Variants in ALYREF observed in about 807,000 individuals in gnomAD.
ALYREF encodes the protein Aly/REF export factor, also known as THO complex subunit 4.
ALYREF carries 1 observed loss-of-function variant against 25.2 expected under a neutral mutation model. That is an observed-to-expected ratio of 0.04 (90% CI 0.01 to 0.19). The LOEUF is 0.19. ALYREF is among the 10% of genes least tolerant of loss of function. The pLI, the probability that ALYREF is intolerant of heterozygous loss-of-function variation, is 1.00. For synonymous variants in ALYREF, 193 were observed against 153.5 expected, an observed-to-expected ratio of 1.26 and a Z score of -1.90; for missense variants, 328 against 375.6, an observed-to-expected ratio of 0.87 and a Z score of 1.05.
At chr17:81,890,328 C>T (rs1389238552) in intron 2 of ALYREF, among the ~76,000 whole-genome samples, 1 of 152,148 alleles carries the variant, frequency 6.6e-6, no homozygotes, top group African/African-American at 2.4e-5. Context: ...GATTCTTTTT[C>T]TCACATTAAC....
At position 81,890,749 on chromosome 17, in the gene ALYREF, C is replaced by T; in HGVS notation, c.330G>A (p.Glu110=). The T allele has an allele frequency of 1.2e-6, 2 of 1,614,084 alleles. No homozygotes were observed. The highest frequency in any genetic ancestry group is 1.1e-5 in the South Asian group (1 of 91,070). Residue 110 remains glutamate, a synonymous_variant, in exon 2 of 6, where the codon GAG becomes GAA. Coordinates refer to ENST00000505490, the MANE Select transcript of ALYREF (RefSeq NM_005782.4). ...DSGFGGGAGV[E]TGGKLLVSNL... is the part of the protein sequence containing the mutation. The stretch of plus-strand genomic sequence containing the variant: ...TGGACACCAGCAGTTTCCCACCTGT[C>T]TCCACGCCGGCACCACCGCCGAAGC...
chr17:81,891,551 G>A lies in ALYREF; in HGVS notation c.30C>T (p.Asp10=). MPDSAPAMA[D]KMDMSLDDII... is the part of the protein sequence containing the mutation. The stretch of plus-strand genomic sequence containing the variant: ...TGTCGTCCAGAGACATGTCCATTTT[G>A]TCGGCCATGGCGGGCGCGGAATCGG... The change falls in exon 1 of 6, where the codon GAC becomes GAT. Residue 10 remains aspartate, a synonymous_variant. Coordinates refer to ENST00000505490, the MANE Select transcript of ALYREF (RefSeq NM_005782.4). 7.0e-7 allele frequency: 1 copy of A among 1,438,648 alleles called. No individual in the cohort carries two copies. Among genetic ancestry groups the A allele is most frequent in the Non-Finnish European group, 9.1e-7 (1 of 1,094,912 alleles). 89.1% of individuals were successfully genotyped at this position (1,438,648 alleles called of 1,614,324 possible).
At position 81,891,323 on chromosome 17, in the gene ALYREF, C is replaced by T; in HGVS notation, c.258G>A (p.Arg86=). 8.6e-7 allele frequency: 1 copy of T among 1,160,850 alleles called. No individual in the cohort carries two copies. The highest frequency in any genetic ancestry group is 1.6e-5 in the African/African-American group (1 of 60,920). The allele number at this position is 1,160,850 out of a possible 1,614,324, so 71.9% of individuals were successfully genotyped here. ...GGRNRPAPYS[R]PKQLPDKWQH... ...CGGCGCGGCCGGCCTCCGCACTCAC[C>T]CTGCTGTAGGGCGCCGGTCGGTTCC... The change falls in exon 1 of 6, where the codon AGG becomes AGA. Residue 86 remains arginine, a splice_region_variant and synonymous_variant. Coordinates refer to ENST00000505490, the MANE Select transcript of ALYREF (RefSeq NM_005782.4).
At position 81,890,927 on chromosome 17, in the gene ALYREF, G is replaced by A; in HGVS notation, c.259-107C>T. ...TCCTCTTCCCGGCCTGAGAGGATCC[G>A]GCCGAAACGGGGCCGCCAGCGCTCC... On this transcript the variant is annotated intron_variant, in intron 1 of 5. Coordinates refer to ENST00000505490, the MANE Select transcript of ALYREF (RefSeq NM_005782.4). 7 of 1,512,306 alleles carry A rather than the reference G, an allele frequency of 4.6e-6. No individual in the cohort carries two copies. The South Asian group carries it at 7.4e-5, about 16-fold the overall frequency. 93.7% of individuals were successfully genotyped at this position (1,512,306 alleles called of 1,614,324 possible).
intron 2 of ALYREF, chr17:81,889,778 C>T: frequency 6.0e-6 from 1 of 167,166 alleles, no homozygotes; most frequent in Non-Finnish European, 1.3e-5. Context: ...CAGATTCTGG[C>T]TCACCTTTCC....
chr17:81,889,231 C>A lies in ALYREF; in HGVS notation c.489G>T (p.Lys163Asn), dbSNP rs746729109. The change falls in exon 3 of 6, where the codon AAG becomes AAT. Residue 163 changes from lysine (K) to asparagine (N), a missense_variant. Physicochemically the swap from Lys to Asn is moderately conservative, Grantham distance 94. Coordinates refer to ENST00000505490, the MANE Select transcript of ALYREF (RefSeq NM_005782.4). Reference protein sequence around the residue: ...LGTADVHFERKADALKAMKQY... With the variant: ...LGTADVHFERNADALKAMKQY... Reference sequence around the variant, plus strand: ...GCTTCATGGCCTTCAGGGCATCTGCCTTCCGCTCAAAGTGCACGTCTGCTG... The same window carrying A: ...GCTTCATGGCCTTCAGGGCATCTGCATTCCGCTCAAAGTGCACGTCTGCTG... 1.2e-6 allele frequency: 2 copies of A among 1,614,122 alleles called. No homozygotes were observed. The highest frequency in any genetic ancestry group is 1.3e-5 in the African/African-American group (1 of 74,942).
chr17:81,888,556 G>A lies in ALYREF; in HGVS notation c.566C>T (p.Thr189Met), dbSNP rs1320887669. The A allele has an allele frequency of 2.5e-6, 4 of 1,595,740 alleles. No individual in the cohort carries two copies. Among genetic ancestry groups the A allele is most frequent in the East Asian group, 2.3e-5 (1 of 44,402 alleles). ...DGRPMNIQLV[T>M]SQIDAQRRPA... is the part of the protein sequence containing the mutation. ...CCTCCGCTGTGCGTCAATCTGTGACGTGACAAGCTGAATGTTCATGGGGCG... is the reference window on the plus strand; with the variant it reads ...CCTCCGCTGTGCGTCAATCTGTGACATGACAAGCTGAATGTTCATGGGGCG... Residue 189 changes from threonine to methionine, a missense_variant, in exon 4 of 6, where the codon ACG (threonine) becomes ATG (methionine). Physicochemically the swap from Thr to Met is moderately conservative, Grantham distance 81. Transcript: ENST00000505490. This position sits in a 1 kb window ranked among gnomAD's most constrained non-coding sequence, Gnocchi z 5.8.
At position 81,891,469 on chromosome 17, in the gene ALYREF, G is replaced by T. The variant is rs2039528387; in HGVS notation, c.112C>A (p.Arg38=). 8.9e-7 allele frequency: 1 copy of T among 1,127,922 alleles called. No homozygotes were observed. The highest frequency in any genetic ancestry group is 1.1e-6 in the Non-Finnish European group (1 of 913,726). 69.9% of individuals were successfully genotyped at this position (1,127,922 alleles called of 1,614,324 possible). A position where few individuals can be genotyped will look rare whatever the true frequency, so the allele number is the denominator to read the frequency against. The change falls in exon 1 of 6, where the codon CGG becomes AGG. Residue 38 remains arginine (R), a synonymous_variant. Coordinates refer to ENST00000505490, the MANE Select transcript of ALYREF (RefSeq NM_005782.4). ...CCGCGGCCGCCCTGGGAGCCGGCCC[G>T]GCCGCGGCCCCGGCCCCCGCCCCGG... is the stretch of plus-strand genomic sequence containing the variant. ...GGRGGGRGRG[R]AGSQGGRGGG...
In ALYREF at chr17:81,888,956, G is replaced by GGAAGGAGCT; in HGVS notation, c.538+217_538+225dup. 1 of 1,417,100 alleles carries GGAAGGAGCT rather than the reference G, an allele frequency of 7.1e-7. No homozygotes were observed. The highest frequency in any genetic ancestry group is 9.2e-7 in the Non-Finnish European group (1 of 1,087,836). The allele number at this position is 1,417,100 out of a possible 1,614,324, so 87.8% of individuals were successfully genotyped here. A position where few individuals can be genotyped will look rare whatever the true frequency, so the allele number is the denominator to read the frequency against. Reference sequence around the variant, plus strand: ...AAGGCTTCACAGAAGTGAATCTTCCGGAAGGAGCTGAAGGAGGGGAGGGAT... The same window carrying GGAAGGAGCT: ...AAGGCTTCACAGAAGTGAATCTTCCGGAAGGAGCTGAAGGAGCTGAAGGAGGGGAGGGAT... On this transcript the variant is annotated intron_variant, in intron 3 of 5. Transcript: ENST00000505490. This position sits in a 1 kb window ranked among gnomAD's most constrained non-coding sequence, Gnocchi z 5.8.
chr17:81,888,606 G>A lies in ALYREF; in HGVS notation c.539-23C>T. On this transcript the variant is annotated intron_variant, in intron 3 of 5. Transcript: ENST00000505490. This position sits in a 1 kb window ranked among gnomAD's most constrained non-coding sequence, Gnocchi z 5.8. ...GGCCTGCGGCAAAGAATACGAGAAG[G>A]CACGTTCTATTGAGAGGCTCTGAAA... 3.2e-6 allele frequency: 5 copies of A among 1,578,178 alleles called. No homozygotes were observed. Among genetic ancestry groups the A allele is most frequent in the Non-Finnish European group, 4.3e-6 (5 of 1,160,750 alleles).
At position 81,889,215 on chromosome 17, in the gene ALYREF, C is replaced by A. The variant is rs1266261588; in HGVS notation, c.505G>T (p.Ala169Ser). Residue 169 changes from alanine (A) to serine (S), a missense_variant, in exon 3 of 6, where the codon GCC (alanine) becomes TCC (serine). Physicochemically the swap from Ala to Ser is moderately conservative, Grantham distance 99 (BLOSUM62 1). Transcript: ENST00000505490. ...GGGACGCCGTTGTACTGCTTCATGGCCTTCAGGGCATCTGCCTTCCGCTCA... is the reference window on the plus strand; with the variant it reads ...GGGACGCCGTTGTACTGCTTCATGGACTTCAGGGCATCTGCCTTCCGCTCA... Reference protein sequence around the residue: ...HFERKADALKAMKQYNGVPLD... With the variant: ...HFERKADALKSMKQYNGVPLD... The A allele has an allele frequency of 6.2e-7, 1 of 1,614,226 alleles. No homozygotes were observed. Among genetic ancestry groups the A allele is most frequent in the Non-Finnish European group, 8.5e-7 (1 of 1,180,036 alleles).
rs553976994 is a variant in ALYREF at position 81,888,467 on chromosome 17, C to T, written c.603-49G>A. ...CACACACCCGGAAGGACCCTAAGAG[C>T]GACGCAGCCTCACCCTCGGCCAATC... On this transcript the variant is annotated intron_variant, in intron 4 of 5. Transcript: ENST00000505490. The surrounding 1 kb of genome is among the most constrained non-coding windows in gnomAD (Gnocchi z 5.8). 6.2e-6 allele frequency: 10 copies of T among 1,604,080 alleles called. No individual in the cohort carries two copies. Among genetic ancestry groups the T allele is most frequent in the Admixed American group, 3.4e-5 (2 of 59,130 alleles).
chr17:81,889,768 C>G (rs573342014), intron 2 of ALYREF: 47 of 168,072 alleles, frequency 2.8e-4, no homozygotes, highest in Admixed American at 2.5e-3. Flanking sequence ...CCCCCAAAGG[C>G]AGATTCTGGC....
Position 81,888,780 on chromosome 17 carries a change from C to T in ALYREF, c.539-197G>A. On this transcript the variant is annotated intron_variant, in intron 3 of 5. Coordinates refer to ENST00000505490, the MANE Select transcript of ALYREF (RefSeq NM_005782.4). The surrounding 1 kb of genome is among the most constrained non-coding windows in gnomAD (Gnocchi z 5.8). ...AAGCAACCCCACCAACACCTCCTCA[C>T]TCCTTCTCAGTCCAGACTAGGTGGG... 6.9e-7 allele frequency: 1 copy of T among 1,445,302 alleles called. No individual in the cohort carries two copies. Among genetic ancestry groups the T allele is most frequent in the Non-Finnish European group, 9.1e-7 (1 of 1,100,006 alleles). 89.5% of individuals were successfully genotyped at this position (1,445,302 alleles called of 1,614,324 possible).
chr17:81,888,548 T>C lies in ALYREF; in HGVS notation c.574A>G (p.Ile192Val), dbSNP rs927379019. 6 of 1,596,898 alleles carry C rather than the reference T, an allele frequency of 3.8e-6. No homozygotes were observed. The highest frequency in any genetic ancestry group is 5.1e-6 in the Non-Finnish European group (6 of 1,171,008). The change falls in exon 4 of 6, where the codon ATT becomes GTT. Residue 192 changes from isoleucine (I) to valine (V), a missense_variant. Transcript: ENST00000505490. The surrounding 1 kb of genome is among the most constrained non-coding windows in gnomAD (Gnocchi z 5.8). ...PMNIQLVTSQ[I>V]DAQRRPAQSV... ...TGTGCAGGCCTCCGCTGTGCGTCAA[T>C]CTGTGACGTGACAAGCTGAATGTTC... is the stretch of plus-strand genomic sequence containing the variant.
chr17:81,891,067 C>T lies in ALYREF; in HGVS notation c.259-247G>A, dbSNP rs1598292714. 2.3e-5 allele frequency: 16 copies of T among 681,372 alleles called. 1 individual carries two copies. The highest frequency in any genetic ancestry group is 2.2e-4 in the South Asian group (11 of 50,558). 42.2% of individuals were successfully genotyped at this position (681,372 alleles called of 1,614,324 possible). A position where few individuals can be genotyped will look rare whatever the true frequency, so the allele number is the denominator to read the frequency against. ...TGTGCCGCGCCCAGCGTCCCCTCCTCTCCTGCCACGAGGCCCCAACGTCCG... is the reference window on the plus strand; with the variant it reads ...TGTGCCGCGCCCAGCGTCCCCTCCTTTCCTGCCACGAGGCCCCAACGTCCG... On this transcript the variant is annotated intron_variant, in intron 1 of 5. Transcript: ENST00000505490.
At chr17:81,891,184 C>A in intron 1 of ALYREF, 139 bp downstream of exon 1, 1 of 595,780 alleles carries the variant, frequency 1.7e-6, no homozygotes, top group Non-Finnish European at 2.3e-6. Context: ...TCCGCGCCCA[C>A]ACGCACCCTC....
chr17:81,891,155 G>A lies in ALYREF; in HGVS notation c.258+168C>T, dbSNP rs1023626690. The stretch of plus-strand genomic sequence containing the variant: ...GACCGGACCCCGAAAGAACGACCTC[G>A]CTCCCGCCCACCACCCCCTCCGCGC... On this transcript the variant is annotated intron_variant, in intron 1 of 5. Coordinates refer to ENST00000505490, the MANE Select transcript of ALYREF (RefSeq NM_005782.4). 1.4e-5 allele frequency: 5 copies of A among 367,314 alleles called. No homozygotes were observed. In the Admixed American group the frequency reaches 2.3e-4, roughly 17 times the overall value. 22.8% of individuals were successfully genotyped at this position (367,314 alleles called of 1,614,324 possible). A position where few individuals can be genotyped will look rare whatever the true frequency, so the allele number is the denominator to read the frequency against.
intron 3 of ALYREF, 74 bp downstream of exon 3, chr17:81,889,108 A>G: frequency 1.3e-6 from 2 of 1,584,750 alleles, no homozygotes; most frequent in Non-Finnish European, 1.7e-6. Flanking sequence ...GGTACCCCAT[A>G]TTCCTACCTG....
Sources: gnomAD v4.1 joint callset for allele counts (sites outside exome capture counted in the v4.1 genomes callset) on GRCh38, gnomAD v4.1.1 for gene constraint, Gnocchi (gnomAD v3.1) non-coding constraint, MANE v1.5 for transcripts, NCBI Gene and HGNC (gene_info 2026-07-23, HGNC 2026-07-21) for gene names.